The following RPTOR variants were observed in gnomAD, a reference collection of about 807,000 sequenced individuals.
RPTOR encodes the protein regulatory associated protein of MTOR complex 1, also known as regulatory-associated protein of mTOR.
In RPTOR, 21 loss-of-function variants were observed where a neutral mutation model predicts 169.9. The ratio of observed to expected loss-of-function variants is 0.12; its 90% CI spans 0.09 to 0.18. The LOEUF is 0.18. RPTOR is among the 10% of genes least tolerant of loss of function. The probability of loss-of-function intolerance (pLI) is 1.00; values close to 1 mark genes in which losing one functional copy is unlikely to be tolerated. For missense variants in RPTOR, 1,133 were observed against 1,855.9 expected, an observed-to-expected ratio of 0.61 and a Z score of 7.16; for synonymous variants, 732 against 753.2, an observed-to-expected ratio of 0.97 and a Z score of 0.46.
chr17:80,824,668 T>C (rs2067419110), intron 9 of RPTOR, among the ~76,000 whole-genome samples: 1 of 152,156 alleles, frequency 6.6e-6, no homozygotes, highest in Non-Finnish European at 1.5e-5. Context: ...AGTTCAGCAC[T>C]GGGAGCCGGT....
chr17:80,712,871 G>A (rs951019228), intron 4 of RPTOR, among the ~76,000 whole-genome samples: 12 of 152,196 alleles, frequency 7.9e-5, no homozygotes, highest in African/African-American at 2.7e-4. Flanking sequence ...TGGTGGGTAT[G>A]TAGTAGGATC....
At position 80,634,933 on chromosome 17, in the gene RPTOR, G is replaced by A. The variant is rs529489951; in HGVS notation, c.266-8795G>A. Among the ~76,000 whole-genome samples, 6 of 152,268 alleles carry A rather than the reference G, an allele frequency of 3.9e-5. No homozygotes were observed. In the South Asian group the frequency reaches 1.0e-3, roughly 26 times the overall value. Reference sequence around the variant, plus strand: ...TGTGCATACTGTGTGTGCATACCGCGTGTGCATACTATGTGCGTGTGCTTC... The same window carrying A: ...TGTGCATACTGTGTGTGCATACCGCATGTGCATACTATGTGCGTGTGCTTC... On this transcript the variant is annotated intron_variant, in intron 2 of 33. Transcript: ENST00000306801.
At chr17:80,705,831 G>A (rs1400200246) in intron 3 of RPTOR, among the ~76,000 whole-genome samples, 5 of 152,084 alleles carry the variant, frequency 3.3e-5, no homozygotes, top group African/African-American at 7.2e-5. Flanking sequence ...CCCCGTGTCC[G>A]GCAGGGGAAC....
chr17:80,588,366 T>A (rs2065079605), intron 1 of RPTOR, among the ~76,000 whole-genome samples: 1 of 152,184 alleles, frequency 6.6e-6, no homozygotes, highest in Non-Finnish European at 1.5e-5. Context: ...TTTCACCATG[T>A]TGGTCAGGTT....
At chr17:80,657,588 A>G (rs1420719404) in intron 3 of RPTOR, among the ~76,000 whole-genome samples, 1 of 152,136 alleles carries the variant, frequency 6.6e-6, no homozygotes, top group Non-Finnish European at 1.5e-5. Flanking sequence ...TGCAGCAGTG[A>G]TACTACTAAC....
Position 80,609,797 on chromosome 17 carries a change from G to GTA in RPTOR, c.163-15893_163-15892insAT, listed in dbSNP as rs2065257392. 6.6e-6 allele frequency among the ~76,000 whole-genome samples: 1 copy of GTA among 151,784 alleles called. No homozygotes were observed. The highest frequency in any genetic ancestry group is 1.5e-5 in the Non-Finnish European group (1 of 67,932). ...GTTGTGTGTGTGTGTGTGTGTGTGT[G>GTA]TGTGTGTGTGTTAAGAGAGCCATTG... On this transcript the variant is annotated intron_variant, in intron 1 of 33. Coordinates refer to ENST00000306801, the MANE Select transcript of RPTOR (RefSeq NM_020761.3). This position sits in a 1 kb window ranked among gnomAD's most constrained non-coding sequence, Gnocchi z 4.8.
At chr17:80,825,108 G>A (rs1189769736) in intron 9 of RPTOR, among the ~76,000 whole-genome samples, 1 of 149,654 alleles carries the variant, frequency 6.7e-6, no homozygotes, top group Non-Finnish European at 1.5e-5. Context: ...GTCAGCGTGG[G>A]GCAGCCACAT....
intron 9 of RPTOR, among the ~76,000 whole-genome samples, chr17:80,833,809 G>A (rs1337008921): frequency 1.3e-5 from 2 of 152,174 alleles, no homozygotes; most frequent in Admixed American, 1.3e-4. Flanking sequence ...GACCAACATG[G>A]TGAAACCCCG....
chr17:80,792,069 C>T (rs1276179842), intron 7 of RPTOR, among the ~76,000 whole-genome samples: 3 of 152,108 alleles, frequency 2.0e-5, no homozygotes, highest in Non-Finnish European at 2.9e-5. Flanking sequence ...CTGTCCCTCG[C>T]GTGATCTTTT....
At chr17:80,900,155 C>T (rs939814572) in intron 20 of RPTOR, among the ~76,000 whole-genome samples, 2 of 152,014 alleles carry the variant, frequency 1.3e-5, no homozygotes, top group South Asian at 2.1e-4. Flanking sequence ...GGCCAGGAGT[C>T]GGGGACTCCT....
Position 80,746,503 on chromosome 17 carries a change from C to T in RPTOR, c.655-7507C>T, listed in dbSNP as rs530729070. On this transcript the variant is annotated intron_variant, in intron 5 of 33. Transcript: ENST00000306801. This position sits in a 1 kb window ranked among gnomAD's most constrained non-coding sequence, Gnocchi z 4.5. ...TTTTGGATCCGGTTGCTGTGTATCG[C>T]ATCGCAAGACTTTTCTGGATCCTTC... Among the ~76,000 whole-genome samples the T allele has an allele frequency of 6.5e-4, 99 of 152,356 alleles. No homozygotes were observed. The highest frequency in any genetic ancestry group is 1.1e-3 in the Admixed American group (17 of 15,308).
intron 1 of RPTOR, among the ~76,000 whole-genome samples, chr17:80,612,711 C>T (rs1206083749): frequency 6.6e-6 from 1 of 152,050 alleles, no homozygotes; most frequent in African/African-American, 2.4e-5. Context: ...ACAAAAAATA[C>T]AAAAAAACTA....
intron 24 of RPTOR, among the ~76,000 whole-genome samples, chr17:80,939,976 G>A (rs1015726398): frequency 3.9e-5 from 6 of 152,188 alleles, no homozygotes; most frequent in Admixed American, 6.5e-5. Flanking sequence ...CGTGGAGAGC[G>A]CCTCTCCCAG....
rs746645664 is a variant in RPTOR at position 80,708,026 on chromosome 17, C to T, written c.507+27C>T. 27 of 1,602,476 alleles carry T rather than the reference C, an allele frequency of 1.7e-5. No homozygotes were observed. The South Asian group carries it at 2.6e-4, about 15-fold the overall frequency. On this transcript the variant is annotated intron_variant, in intron 4 of 33. Transcript: ENST00000306801. The surrounding 1 kb of genome is among the most constrained non-coding windows in gnomAD (Gnocchi z 4.2). ...TGGGTGTGCCTTCCAGCTTCCTTCCCGTTTCTGCCAAAAGCCATGCCAATT... is the reference window on the plus strand; with the variant it reads ...TGGGTGTGCCTTCCAGCTTCCTTCCTGTTTCTGCCAAAAGCCATGCCAATT...
At chr17:80,593,270 G>A (rs900114848) in intron 1 of RPTOR, 3 of 154,768 alleles carry the variant, frequency 1.9e-5, no homozygotes, top group African/African-American at 2.4e-5. Flanking sequence ...TGTCTTCCAC[G>A]GTGAACTTGT....
At chr17:80,688,634 C>T (rs2065966982) in intron 3 of RPTOR, among the ~76,000 whole-genome samples, 1 of 152,206 alleles carries the variant, frequency 6.6e-6, no homozygotes, top group Admixed American at 6.5e-5. Context: ...GTTCCACTGG[C>T]CTGACTTGAT....
chr17:80,628,214 T>TAA (rs2065411424), intron 2 of RPTOR, among the ~76,000 whole-genome samples: 1 of 152,220 alleles, frequency 6.6e-6, no homozygotes, highest in African/African-American at 2.4e-5. Flanking sequence ...GAATGTCTTT[T>TAA]ATATTTACCT....
intron 2 of RPTOR, 51 bp downstream of exon 2, chr17:80,625,844 G>T: frequency 3.0e-6 from 4 of 1,336,610 alleles, no homozygotes; most frequent in Non-Finnish European, 4.3e-6. Flanking sequence ...GGCCGGCTCT[G>T]GCCTGGGCGG....
intron 7 of RPTOR, among the ~76,000 whole-genome samples, chr17:80,806,639 T>C (rs1253624506): frequency 6.6e-6 from 1 of 152,210 alleles, no homozygotes; most frequent in African/African-American, 2.4e-5. Flanking sequence ...GCCTATACTT[T>C]AGTTACCATC....
Sources: gnomAD v4.1 joint callset for allele counts (sites outside exome capture counted in the v4.1 genomes callset) on GRCh38, gnomAD v4.1.1 for gene constraint, Gnocchi (gnomAD v3.1) non-coding constraint, MANE v1.5 for transcripts, NCBI Gene and HGNC (gene_info 2026-07-23, HGNC 2026-07-21) for gene names.